Variants in PPP3CA observed in about 807,000 individuals in gnomAD.
The protein encoded by PPP3CA is CAM-PRP catalytic subunit.
A neutral mutation model predicts 66.5 loss-of-function variants in PPP3CA; 14 were observed. The ratio of observed to expected loss-of-function variants is 0.21; its 90% CI spans 0.14 to 0.33. PPP3CA has a LOEUF of 0.33. Among genes scored for constraint, PPP3CA ranks in the 10% least tolerant of loss-of-function variants. PPP3CA has a pLI of 1.00. For missense variants in PPP3CA, 317 were observed against 639.5 expected, an observed-to-expected ratio of 0.50 and a Z score of 5.44; for synonymous variants, 232 against 226.2, an observed-to-expected ratio of 1.03 and a Z score of -0.23.
intron 1 of PPP3CA, among the ~76,000 whole-genome samples, chr4:101,322,001 T>C (rs1184979222): frequency 6.6e-6 from 1 of 152,208 alleles, no homozygotes; most frequent in Admixed American, 6.5e-5. Context: ...AATCCTTGTT[T>C]CATTTGTCCT....
chr4:101,298,799 G>C (rs1235178637), intron 1 of PPP3CA, among the ~76,000 whole-genome samples: 1 of 151,136 alleles, frequency 6.6e-6, no homozygotes, highest in Non-Finnish European at 1.5e-5. Context: ...TCGACTACAT[G>C]AGGGGTCAGT....
At chr4:101,317,909 C>G (rs572639841) in intron 1 of PPP3CA, among the ~76,000 whole-genome samples, 1 of 152,300 alleles carries the variant, frequency 6.6e-6, no homozygotes. Flanking sequence ...ACTGGAAAAA[C>G]AACAATATCT....
chr4:101,176,504 C>A (rs1202095964), intron 2 of PPP3CA, among the ~76,000 whole-genome samples: 1 of 152,150 alleles, frequency 6.6e-6, no homozygotes, highest in African/African-American at 2.4e-5. Flanking sequence ...AGTGGCAGTG[C>A]CTGACTGCTC....
At chr4:101,100,471 A>G (rs1159810873) in intron 3 of PPP3CA, among the ~76,000 whole-genome samples, 1 of 152,150 alleles carries the variant, frequency 6.6e-6, no homozygotes, top group Non-Finnish European at 1.5e-5. Flanking sequence ...AAAATTCTCA[A>G]CTTAGTTTCT....
intron 1 of PPP3CA, among the ~76,000 whole-genome samples, chr4:101,260,540 A>G (rs1325321180): frequency 6.6e-6 from 1 of 152,168 alleles, no homozygotes; most frequent in Admixed American, 6.6e-5. Context: ...GGTCATCTAA[A>G]TAAGCCTTTA....
At chr4:101,119,989 A>G (rs144948887) in intron 2 of PPP3CA, among the ~76,000 whole-genome samples, 20 of 152,240 alleles carry the variant, frequency 1.3e-4, no homozygotes, top group African/African-American at 4.6e-4. Context: ...GTGAATTGAT[A>G]AATTATTAAA....
At chr4:101,117,196 T>C (rs557738848) in intron 2 of PPP3CA, among the ~76,000 whole-genome samples, 1 of 151,988 alleles carries the variant, frequency 6.6e-6, no homozygotes, top group Non-Finnish European at 1.5e-5. Flanking sequence ...TAGATTACAA[T>C]AGTTATTAAC....
At position 101,242,484 on chromosome 4, in the gene PPP3CA, T is replaced by C. The variant is rs563830899; in HGVS notation, c.59-46368A>G. On this transcript the variant is annotated intron_variant, in intron 1 of 13. Transcript: ENST00000394854. The stretch of plus-strand genomic sequence containing the variant: ...GGAGACAAGTGCCAGAGAATAAAAA[T>C]AAATTACTCTATGTGCTTGAGATTG... Among the ~76,000 whole-genome samples, 18 of 152,066 alleles carry C rather than the reference T, an allele frequency of 1.2e-4. No individual in the cohort carries two copies. In the East Asian group the frequency reaches 3.3e-3, roughly 28 times the overall value.
At chr4:101,175,935 C>T (rs1228591025) in intron 2 of PPP3CA, among the ~76,000 whole-genome samples, 1 of 152,134 alleles carries the variant, frequency 6.6e-6, no homozygotes, top group Non-Finnish European at 1.5e-5. Context: ...CTAGTACACT[C>T]CCATCAGCAT....
At chr4:101,270,099 A>G (rs750084588) in intron 1 of PPP3CA, among the ~76,000 whole-genome samples, 3 of 152,186 alleles carry the variant, frequency 2.0e-5, no homozygotes, top group Non-Finnish European at 4.4e-5. Context: ...TTTGAGGAAT[A>G]TTGCATAAAG....
At chr4:101,104,290 G>T (rs1269433955) in intron 3 of PPP3CA, among the ~76,000 whole-genome samples, 1 of 152,136 alleles carries the variant, frequency 6.6e-6, no homozygotes, top group African/African-American at 2.4e-5. Flanking sequence ...GGAAAACTGA[G>T]CTCTTATTTT....
rs1397513444 is a variant in PPP3CA at position 101,347,215 on chromosome 4, G to C, written c.-419C>G. ...CGCGCGCACACACGGCCAGGATTAA[G>C]ACCGATCACATGGGGAAGGCCGGGG... On this transcript the variant is annotated 5_prime_UTR_variant, in exon 1 of 14. Transcript: ENST00000394854. 4.1e-6 allele frequency: 1 copy of C among 242,488 alleles called. No homozygotes were observed. The highest frequency in any genetic ancestry group is 1.4e-4 in the East Asian group (1 of 7,306). The allele number at this position is 242,488 out of a possible 1,614,324, so 15.0% of individuals were successfully genotyped here. A position where few individuals can be genotyped will look rare whatever the true frequency, so the allele number is the denominator to read the frequency against.
chr4:101,026,479 T>C (rs191299688), intron 13 of PPP3CA, among the ~76,000 whole-genome samples: 181 of 152,294 alleles, frequency 1.2e-3, no homozygotes, highest in African/African-American at 4.1e-3. Flanking sequence ...TATTCCTCCA[T>C]TGTACTAGGT....
intron 8 of PPP3CA, among the ~76,000 whole-genome samples, chr4:101,076,884 A>C (rs1729219766): frequency 6.6e-6 from 1 of 152,250 alleles, no homozygotes; most frequent in South Asian, 2.1e-4. Flanking sequence ...GATTTCATGC[A>C]GTATTCACAA....
intron 8 of PPP3CA, among the ~76,000 whole-genome samples, chr4:101,070,435 A>T (rs757867638): frequency 2.6e-5 from 4 of 152,196 alleles, no homozygotes; most frequent in Non-Finnish European, 5.9e-5. Context: ...AAATTGTAAG[A>T]GCATGTAAAT....
intron 2 of PPP3CA, among the ~76,000 whole-genome samples, chr4:101,136,091 AT>A (rs1722612156): frequency 6.6e-6 from 1 of 152,180 alleles, no homozygotes; most frequent in Admixed American, 6.6e-5. Context: ...TAGTTTATCT[AT>A]TTTTAAACAA....
rs76748152 is a variant in PPP3CA, at chr4:101,257,782, G to A, written c.59-61666C>T. Among the ~76,000 whole-genome samples the A allele has an allele frequency of 9.0e-3, 1,367 of 152,060 alleles. 18 individuals carry two copies. Among genetic ancestry groups the A allele is most frequent in the African/African-American group, 0.031 (1,296 of 41,462 alleles). On this transcript the variant is annotated intron_variant, in intron 1 of 13. Coordinates refer to ENST00000394854, the MANE Select transcript of PPP3CA (RefSeq NM_000944.5). ...CCCAACAACATTAGTTACTGAATAC[G>A]CATTATTTGTATTTAGGATATACTC...
chr4:101,142,860 T>A (rs534246966), intron 2 of PPP3CA, among the ~76,000 whole-genome samples: 1 of 152,336 alleles, frequency 6.6e-6, no homozygotes, highest in South Asian at 2.1e-4. Flanking sequence ...ACAGTATTTT[T>A]GCTAATATTT....
At chr4:101,160,171 T>G (rs990329501) in intron 2 of PPP3CA, among the ~76,000 whole-genome samples, 1 of 152,090 alleles carries the variant, frequency 6.6e-6, no homozygotes, top group Non-Finnish European at 1.5e-5. Flanking sequence ...TGCCATACAA[T>G]TTAGAAGTGT....
Sources: gnomAD v4.1 joint callset for allele counts (sites outside exome capture counted in the v4.1 genomes callset) on GRCh38, gnomAD v4.1.1 for gene constraint, MANE v1.5 for transcripts, NCBI Gene and HGNC (gene_info 2026-07-23, HGNC 2026-07-21) for gene names.